Variants in RAB27A observed in about 807,000 individuals in gnomAD.
RAB27A encodes the protein ras-related protein Rab-27A.
In RAB27A, 17 loss-of-function variants were observed where a neutral mutation model predicts 20.8. The observed-to-expected ratio is 0.82, with a 90% CI of 0.56 to 1.23. The LOEUF is 1.23. Ranked by LOEUF, RAB27A falls within the 50% of genes most tolerant of loss-of-function variation. The pLI is 0.00. For missense variants in RAB27A, 277 were observed against 266.7 expected (o/e 1.04, Z -0.27); for synonymous variants, 85 against 92.8 (o/e 0.92, Z 0.48).
chr15:55,254,432 T>C (rs560327976), intron 2 of RAB27A, among the ~76,000 whole-genome samples: 1 of 152,224 alleles, frequency 6.6e-6, no homozygotes, highest in Non-Finnish European at 1.5e-5. Context: ...ATAAAAGTTT[T>C]TTATTTTTCT....
At chr15:55,264,639 T>G (rs1476184837) in intron 2 of RAB27A, among the ~76,000 whole-genome samples, 3 of 152,186 alleles carry the variant, frequency 2.0e-5, no homozygotes, top group Non-Finnish European at 2.9e-5. Context: ...AAATGCAGAA[T>G]AGCATACATA....
intron 6 of RAB27A, among the ~76,000 whole-genome samples, chr15:55,208,640 G>A (rs1462148046): frequency 1.3e-5 from 2 of 151,384 alleles, no homozygotes; most frequent in African/African-American, 4.9e-5. Flanking sequence ...CCTCAGGAGA[G>A]AGGAAATCTT....
At chr15:55,211,751 T>G (rs1044596330) in intron 6 of RAB27A, among the ~76,000 whole-genome samples, 3 of 152,170 alleles carry the variant, frequency 2.0e-5, no homozygotes, top group African/African-American at 7.2e-5. Context: ...AGCTAATAAA[T>G]GACAGAGAAG....
At chr15:55,289,971 G>GCTC (rs1898269526), upstream of RAB27A, 1 of 152,132 alleles carries the variant, frequency 6.6e-6, no homozygotes, top group Non-Finnish European at 1.5e-5. Flanking sequence ...CGCCTCCGAG[G>GCTC]GGTCCTCTGT....
chr15:55,268,727 A>T (rs1897599144), intron 2 of RAB27A, among the ~76,000 whole-genome samples: 1 of 152,200 alleles, frequency 6.6e-6, no homozygotes, highest in South Asian at 2.1e-4. Flanking sequence ...TGGGCTTAAC[A>T]AATGTTTACT....
chr15:55,216,105 T>C (rs1413673930), intron 6 of RAB27A, among the ~76,000 whole-genome samples: 2 of 152,212 alleles, frequency 1.3e-5, no homozygotes, highest in African/African-American at 4.8e-5. Flanking sequence ...CAGTATCTTC[T>C]TGTAATGATT....
At chr15:55,210,520 G>C in intron 6 of RAB27A, among the ~76,000 whole-genome samples, 1 of 151,584 alleles carries the variant, frequency 6.6e-6, no homozygotes, top group East Asian at 1.9e-4. Context: ...CTTTCTCTGA[G>C]TAGTGATATT....
intron 2 of RAB27A, among the ~76,000 whole-genome samples, chr15:55,307,772 G>T (rs2055004593): frequency 6.7e-6 from 1 of 150,000 alleles, no homozygotes; most frequent in Middle Eastern, 3.4e-3. Context: ...CCTGTTCTTT[G>T]TTCTCCTGAA....
In RAB27A at chr15:55,273,386, G is replaced by A. The variant is rs1188661760; in HGVS notation, c.-142-3102C>T. Among the ~76,000 whole-genome samples, 6 of 149,824 alleles carry A rather than the reference G, an allele frequency of 4.0e-5. No homozygotes were observed. In the East Asian group the frequency reaches 9.8e-4, roughly 24 times the overall value. On this transcript the variant is annotated intron_variant, in intron 1 of 6. Transcript: ENST00000336787. ...ATCGCGCCACTGCACTCCAGCCTGG[G>A]CGACAGAGCGAGACTCCATCTCAAA... is the stretch of plus-strand genomic sequence containing the variant.
intron 1 of RAB27A, among the ~76,000 whole-genome samples, chr15:55,318,622 A>T (rs1221677016): frequency 1.4e-5 from 2 of 146,716 alleles, no homozygotes; most frequent in Admixed American, 1.3e-4. Context: ...AATCACTGGA[A>T]CCCGGGAGGC....
In RAB27A at chr15:55,311,224, T is replaced by G. The variant is rs1340513416; in HGVS notation, c.-112+2815A>C. Among the ~76,000 whole-genome samples, 3 of 152,214 alleles carry G rather than the reference T, an allele frequency of 2.0e-5. No homozygotes were observed. In the East Asian group the frequency reaches 5.8e-4, roughly 29 times the overall value. On this transcript the variant is annotated intron_variant, in intron 2 of 5. Coordinates refer to the RAB27A transcript ENST00000563262. ...TCTGATTTAGCAGTAACATTGTATCTCTCCATGTCAGATCAAAGGACTGTC... is the reference window on the plus strand; with the variant it reads ...TCTGATTTAGCAGTAACATTGTATCGCTCCATGTCAGATCAAAGGACTGTC...
chr15:55,239,102 T>C (rs1478687555), intron 2 of RAB27A, among the ~76,000 whole-genome samples: 1 of 152,228 alleles, frequency 6.6e-6, no homozygotes, highest in Non-Finnish European at 1.5e-5. Flanking sequence ...GACAGGCTTC[T>C]AAAAGTTTTA....
chr15:55,279,498 T>C (rs1309330180), intron 1 of RAB27A, among the ~76,000 whole-genome samples: 1 of 152,220 alleles, frequency 6.6e-6, no homozygotes, highest in Non-Finnish European at 1.5e-5. Flanking sequence ...GCCACTGTTC[T>C]AGGGAGACAA....
At chr15:55,250,902 G>A (rs980205182) in intron 2 of RAB27A, among the ~76,000 whole-genome samples, 1 of 152,096 alleles carries the variant, frequency 6.6e-6, no homozygotes, top group African/African-American at 2.4e-5. Context: ...ATCTTACATG[G>A]CACCCCAACA....
rs1413736728 is a variant in RAB27A at position 55,205,807 on chromosome 15, C to T, written c.468-102G>A. On this transcript the variant is annotated intron_variant, in intron 6 of 6. Transcript: ENST00000336787. ...AGAGAATCGATAGAATACAAATATA[C>T]AAGATGACAAACATTTTACCACCCC... 13 of 1,094,316 alleles carry T rather than the reference C, an allele frequency of 1.2e-5. No homozygotes were observed. The African/African-American group carries it at 1.9e-4, about 16-fold the overall frequency. The allele number at this position is 1,094,316 out of a possible 1,614,324, so 67.8% of individuals were successfully genotyped here.
At chr15:55,210,220 T>TAC (rs1384279038) in intron 6 of RAB27A, among the ~76,000 whole-genome samples, 4 of 142,508 alleles carry the variant, frequency 2.8e-5, no homozygotes, top group Admixed American at 6.9e-5. Context: ...TGTATGTGTA[T>TAC]GTATATATAC....
intron 2 of RAB27A, among the ~76,000 whole-genome samples, chr15:55,235,254 C>A (rs1272839273): frequency 6.6e-6 from 1 of 152,036 alleles, no homozygotes; most frequent in Non-Finnish European, 1.5e-5. Context: ...TCGAGACCAG[C>A]CTGACCAACA....
chr15:55,287,533 A>G (rs950433336), intron 1 of RAB27A, among the ~76,000 whole-genome samples: 5 of 152,136 alleles, frequency 3.3e-5, no homozygotes, highest in African/African-American at 1.2e-4. Context: ...AGATCACCTG[A>G]GATCGGGAGT....
chr15:55,229,938 G>A (rs1895965634), intron 4 of RAB27A, among the ~76,000 whole-genome samples: 1 of 152,094 alleles, frequency 6.6e-6, no homozygotes, highest in Non-Finnish European at 1.5e-5. Flanking sequence ...ATCCTTCAAG[G>A]TGGCTGTGAA....
Sources: allele counts gnomAD v4.1 joint callset (sites outside exome capture counted in the v4.1 genomes callset), GRCh38; gene constraint gnomAD v4.1.1; transcripts MANE v1.5; gene names NCBI Gene and HGNC (gene_info 2026-07-23, HGNC 2026-07-21).